Variants in RTL4 observed in about 807,000 individuals in gnomAD.
RTL4 encodes the protein retrotransposon Gag-like protein 4.
In RTL4, 4 loss-of-function variants were observed where a neutral mutation model predicts 5.3. The observed-to-expected ratio is 0.75, with a 90% CI of 0.37 to 1.72. The LOEUF is 1.72. RTL4 is among the 40% of genes most tolerant of loss of function. The pLI is 0.04. For missense variants in RTL4, 260 were observed against 227.1 expected (o/e 1.14, Z -0.93); for synonymous variants, 98 against 87.3 (o/e 1.12, Z -0.68).
the RTL4 span, among the ~76,000 whole-genome samples, chrX:112,432,849 G>T: frequency 9.0e-6 from 1 of 111,609 alleles, no homozygotes; most frequent in Non-Finnish European, 1.9e-5. Context: ...TTCTTCTAGG[G>T]TTTTTATGGT....
chrX:112,364,802 T>A, the RTL4 span, among the ~76,000 whole-genome samples: 20 of 112,277 alleles, frequency 1.8e-4, no homozygotes, highest in African/African-American at 5.8e-4. Flanking sequence ...GGATTTTCCA[T>A]TGGTATGGAC....
At chrX:112,197,033 A>AC in the RTL4 span, among the ~76,000 whole-genome samples, 1 of 108,566 alleles carries the variant, frequency 9.2e-6, no homozygotes, top group Non-Finnish European at 1.9e-5. Flanking sequence ...TCATATAACT[A>AC]TTTATATGTT....
chrX:112,379,151 A>G, the RTL4 span, among the ~76,000 whole-genome samples: 66 of 112,533 alleles, frequency 5.9e-4, no homozygotes, highest in Non-Finnish European at 5.6e-5. Context: ...TGGTCTTATC[A>G]TATCTACAAT....
At chrX:112,326,502 C>T in the RTL4 span, among the ~76,000 whole-genome samples, 1 of 111,974 alleles carries the variant, frequency 8.9e-6, no homozygotes, top group Non-Finnish European at 1.9e-5. Flanking sequence ...TCGGAGGGTC[C>T]TACGCCCACG....
chrX:112,444,838 C>T, the RTL4 span, among the ~76,000 whole-genome samples: 6 of 111,704 alleles, frequency 5.4e-5, no homozygotes, highest in African/African-American at 1.3e-4. Flanking sequence ...TGAATTTCCA[C>T]GATATCAGTT....
chrX:112,102,216 G>T, the RTL4 span, among the ~76,000 whole-genome samples: 1 of 111,387 alleles, frequency 9.0e-6, no homozygotes, highest in African/African-American at 3.3e-5. Context: ...GTGCTATTTT[G>T]TAGATAAACG....
chrX:112,442,934 A>T, the RTL4 span, among the ~76,000 whole-genome samples: 13 of 111,614 alleles, frequency 1.2e-4, no homozygotes, highest in Admixed American at 7.6e-4. Context: ...TCTTTTAGTT[A>T]TTTTTAAATG....
chrX:112,166,421 G>A, the RTL4 span, among the ~76,000 whole-genome samples: 1 of 111,526 alleles, frequency 9.0e-6, no homozygotes, highest in African/African-American at 3.3e-5. Context: ...AAGAGGTAAA[G>A]GATTAATTTT....
the RTL4 span, among the ~76,000 whole-genome samples, chrX:112,214,851 C>T: frequency 3.6e-5 from 4 of 109,863 alleles, no homozygotes; most frequent in African/African-American, 1.3e-4. Context: ...TACAGTGGTG[C>T]GATCTTGGCT....
At chrX:112,324,130 A>G in the RTL4 span, among the ~76,000 whole-genome samples, 1 of 111,953 alleles carries the variant, frequency 8.9e-6, no homozygotes, top group African/African-American at 3.2e-5. Flanking sequence ...TCTTTAATGT[A>G]TTTTCTATGG....
the RTL4 span, among the ~76,000 whole-genome samples, chrX:112,389,636 T>G: frequency 8.9e-5 from 10 of 111,849 alleles, no homozygotes; most frequent in African/African-American, 2.9e-4. Context: ...CTTCTTGATT[T>G]CTGCCTTAAT....
the RTL4 span, among the ~76,000 whole-genome samples, chrX:112,419,628 A>C: frequency 4.0e-3 from 36 of 9,044 alleles, no homozygotes; most frequent in Middle Eastern, 0.15. Context: ...TATATATTTA[A>C]GTATGTAAAT....
chrX:112,178,927 C>T, the RTL4 span, among the ~76,000 whole-genome samples: 1 of 111,973 alleles, frequency 8.9e-6, no homozygotes, highest in African/African-American at 3.2e-5. Context: ...AAAGAGTCCT[C>T]TTGGGTTTCT....
chrX:112,119,463 A>G, the RTL4 span, among the ~76,000 whole-genome samples: 1 of 110,502 alleles, frequency 9.0e-6, no homozygotes, highest in Non-Finnish European at 1.9e-5. Flanking sequence ...AGATATGTAA[A>G]CCCATTGGCC....
At chrX:112,171,842 C>T in the RTL4 span, among the ~76,000 whole-genome samples, 8 of 112,056 alleles carry the variant, frequency 7.1e-5, no homozygotes, top group African/African-American at 2.6e-4. Context: ...ACTGCAACAA[C>T]AGAAAAAATT....
chrX:112,368,296 C>T, the RTL4 span, among the ~76,000 whole-genome samples: 1 of 110,958 alleles, frequency 9.0e-6, no homozygotes, highest in East Asian at 2.9e-4. Context: ...GTTGACAGAA[C>T]ATTGTGAACG....
chrX:112,190,279 CT>C, the RTL4 span, among the ~76,000 whole-genome samples: 6 of 102,506 alleles, frequency 5.9e-5, no homozygotes, highest in South Asian at 8.9e-4. Flanking sequence ...ATTTATTAAA[CT>C]TTTTTTTTTG....
the RTL4 span, among the ~76,000 whole-genome samples, chrX:112,145,226 C>G: frequency 3.6e-5 from 4 of 111,640 alleles, no homozygotes; most frequent in Non-Finnish European, 7.5e-5. Flanking sequence ...ACTTTTTGAT[C>G]ATGATGGATC....
chrX:112,324,128 G>C, the RTL4 span, among the ~76,000 whole-genome samples: 1 of 111,968 alleles, frequency 8.9e-6, no homozygotes, highest in African/African-American at 3.2e-5. Context: ...AATCTTTAAT[G>C]TATTTTCTAT....
Sources: allele counts gnomAD v4.1 joint callset (sites outside exome capture counted in the v4.1 genomes callset), GRCh38; gene constraint gnomAD v4.1.1; transcripts MANE v1.5; gene names NCBI Gene and HGNC (gene_info 2026-07-23, HGNC 2026-07-21).